PYCR1: variants seen among roughly 807,000 people sequenced by gnomAD.
PYCR1 encodes the protein pyrroline-5-carboxylate reductase 1, also known as pyrroline-5-carboxylate reductase 1, mitochondrial.
PYCR1 carries 19 observed loss-of-function variants against 22.9 expected under a neutral mutation model. The observed-to-expected ratio is 0.83, with a 90% CI of 0.58 to 1.22. The LOEUF is 1.22. PYCR1 is among the 50% of genes most tolerant of loss of function. PYCR1 has a pLI of 0.00. For synonymous variants in PYCR1, 175 were observed against 180.5 expected (o/e 0.97, Z 0.24); for missense variants, 429 against 431.3 (o/e 0.99, Z 0.05).
Position 81,937,289 on chromosome 17 carries a change from A to G in PYCR1, c.-475T>C, listed in dbSNP as rs2041228541. 8.9e-7 allele frequency: 1 copy of G among 1,127,936 alleles called. No individual in the cohort carries two copies. The highest frequency in any genetic ancestry group is 1.1e-6 in the Non-Finnish European group (1 of 890,554). The allele number at this position is 1,127,936 out of a possible 1,614,324, so 69.9% of individuals were successfully genotyped here. ...CTCAGCGCTGCGGCCGCCACGCGGC[A>G]CCCGCACCCAGGCCCCGCCCCCGTC... is the stretch of plus-strand genomic sequence containing the variant. On this transcript the variant is annotated 5_prime_UTR_variant, in exon 1 of 7. Transcript: ENST00000329875.
intron 2 of PYCR1, 60 bp from the exon 3 acceptor site, chr17:81,935,576 C>T: frequency 8.3e-7 from 1 of 1,208,468 alleles, no homozygotes; most frequent in East Asian, 4.2e-5. Context: ...CCCACCAAGC[C>T]AAGAGCCCCA....
Position 81,937,181 on chromosome 17 carries a change from G to A in PYCR1, c.-367C>T. 1 of 1,473,142 alleles carries A rather than the reference G, an allele frequency of 6.8e-7. No homozygotes were observed. Among genetic ancestry groups the A allele is most frequent in the Non-Finnish European group, 8.9e-7 (1 of 1,118,054 alleles). The allele number at this position is 1,473,142 out of a possible 1,614,324, so 91.3% of individuals were successfully genotyped here. ...CCACCCCGCCCAGAACTGGGCTACC[G>A]TCGCGCCCCACCCGGCGACCGCCGC... On this transcript the variant is annotated 5_prime_UTR_variant, in exon 1 of 7. It adds an upstream start codon to the 5' untranslated region. Transcript: ENST00000329875.
In PYCR1 at chr17:81,935,374, G is replaced by A; in HGVS notation, c.281C>T (p.Ser94Phe). 1.9e-6 allele frequency: 3 copies of A among 1,613,240 alleles called. No individual in the cohort carries two copies. Among genetic ancestry groups the A allele is most frequent in the Non-Finnish European group, 8.5e-7 (1 of 1,180,008 alleles). ...ADIEDRHIVVSCAAGVTISSI... is the reference protein window; with the variant it reads ...ADIEDRHIVVFCAAGVTISSI... Reference sequence around the variant, plus strand: ...GCTGATGGTGACGCCGGCCGCGCAGGACACCACAATGTGTCTGTCCTCAAT... The same window carrying A: ...GCTGATGGTGACGCCGGCCGCGCAGAACACCACAATGTGTCTGTCCTCAAT... Residue 94 changes from serine (S) to phenylalanine (F), a missense_variant, in exon 3 of 7, where the codon TCC becomes TTC. Coordinates refer to ENST00000329875, the MANE Select transcript of PYCR1 (RefSeq NM_006907.4).
In PYCR1 at chr17:81,935,467, C is replaced by T. The variant is rs1340103174; in HGVS notation, c.188G>A (p.Ser63Asn). ...TPHNKETVQHSDVLFLAVKPH... is the reference protein window; with the variant it reads ...TPHNKETVQHNDVLFLAVKPH... ...CTTCACAGCCAGGAAGAGCACATCA[C>T]TGTGCTGCACCGTCTCCTTGTTGTG... Residue 63 changes from serine (S) to asparagine (N), a missense_variant, in exon 3 of 7, where the codon AGT (serine) becomes AAT (asparagine). Coordinates refer to ENST00000329875, the MANE Select transcript of PYCR1 (RefSeq NM_006907.4). The T allele has an allele frequency of 6.2e-7, 1 of 1,613,252 alleles. No individual in the cohort carries two copies. Among genetic ancestry groups the T allele is most frequent in the Non-Finnish European group, 8.5e-7 (1 of 1,179,808 alleles).
chr17:81,932,615 G>A lies in PYCR1; in HGVS notation c.*599C>T. 1.9e-6 allele frequency: 1 copy of A among 533,920 alleles called. No homozygotes were observed. The highest frequency in any genetic ancestry group is 3.1e-5 in the Admixed American group (1 of 32,216). The allele number at this position is 533,920 out of a possible 1,614,324, so 33.1% of individuals were successfully genotyped here. A position where few individuals can be genotyped will look rare whatever the true frequency, so the allele number is the denominator to read the frequency against. On this transcript the variant is annotated 3_prime_UTR_variant, in exon 7 of 7. Transcript: ENST00000329875. Reference sequence around the variant, plus strand: ...GACAGAACTGATAGCACCCTCCCAGGGAGGTCAGGAGCAGGAGGTGGTGGC... The same window carrying A: ...GACAGAACTGATAGCACCCTCCCAGAGAGGTCAGGAGCAGGAGGTGGTGGC...
In PYCR1 at chr17:81,936,918, C is replaced by A; in HGVS notation, c.-104G>T. On this transcript the variant is annotated 5_prime_UTR_variant, in exon 1 of 7. Coordinates refer to ENST00000329875, the MANE Select transcript of PYCR1 (RefSeq NM_006907.4). Reference sequence around the variant, plus strand: ...AGTTAGGGGGGCAGTGCCAGCCTGGCCGCTCCTCCCGCAGCCGGGTGCCCA... The same window carrying A: ...AGTTAGGGGGGCAGTGCCAGCCTGGACGCTCCTCCCGCAGCCGGGTGCCCA... The A allele has an allele frequency of 6.5e-7, 1 of 1,538,652 alleles. No homozygotes were observed. Among genetic ancestry groups the A allele is most frequent in the African/African-American group, 1.4e-5 (1 of 73,120 alleles).
At position 81,935,450 on chromosome 17, in the gene PYCR1, C is replaced by T; in HGVS notation, c.205G>A (p.Ala69Thr). ...TVQHSDVLFL[A>T]VKPHIIPFIL... Reference sequence around the variant, plus strand: ...AAGGGGATGATGTGTGGCTTCACAGCCAGGAAGAGCACATCACTGTGCTGC... The same window carrying T: ...AAGGGGATGATGTGTGGCTTCACAGTCAGGAAGAGCACATCACTGTGCTGC... Residue 69 changes from alanine to threonine, a missense_variant, in exon 3 of 7, where the codon GCT becomes ACT. Transcript: ENST00000329875. 1.9e-6 allele frequency: 3 copies of T among 1,613,432 alleles called. No individual in the cohort carries two copies. Among genetic ancestry groups the T allele is most frequent in the Non-Finnish European group, 2.5e-6 (3 of 1,179,906 alleles).
At position 81,934,704 on chromosome 17, in the gene PYCR1, C is replaced by A; in HGVS notation, c.582G>T (p.Lys194Asn). Residue 194 changes from lysine to asparagine, a missense_variant, in exon 5 of 7, where the codon AAG (lysine) becomes AAT (asparagine). Coordinates refer to ENST00000329875, the MANE Select transcript of PYCR1 (RefSeq NM_006907.4). ...ALDALADGGV[K>N]MGLPRRLAVR... ...CTGCCAGGCGCCTTGGAAGTCCCAT[C>A]TTCACACCCCCATCAGCCAGGGCAT... is the stretch of plus-strand genomic sequence containing the variant. The A allele has an allele frequency of 6.4e-7, 1 of 1,572,468 alleles. No individual in the cohort carries two copies. The highest frequency in any genetic ancestry group is 2.4e-5 in the East Asian group (1 of 42,210).
Position 81,932,520 on chromosome 17 carries a change from C to T in PYCR1, c.*694G>A. 1 of 362,356 alleles carries T rather than the reference C, an allele frequency of 2.8e-6. No individual in the cohort carries two copies. The highest frequency in any genetic ancestry group is 5.3e-6 in the Non-Finnish European group (1 of 187,488). The allele number at this position is 362,356 out of a possible 1,614,324, so 22.4% of individuals were successfully genotyped here. A position where few individuals can be genotyped will look rare whatever the true frequency, so the allele number is the denominator to read the frequency against. On this transcript the variant is annotated 3_prime_UTR_variant, in exon 7 of 7. Coordinates refer to ENST00000329875, the MANE Select transcript of PYCR1 (RefSeq NM_006907.4). ...ACCCTCCCACACAGGCAGGGCCTCC[C>T]TCCTCATGTGGCAGACAGAAGTCAG...
In PYCR1 at chr17:81,933,282, T is replaced by A. The variant is rs752293774; in HGVS notation, c.892A>T (p.Thr298Ser). ...DKVKLDSPAG[T>S]ALSPSGHTKL... The stretch of plus-strand genomic sequence containing the variant: ...GTGTGGCCAGAAGGTGACAGAGCGG[T>A]CCCTGCAGGGGAGTCCAGCTTCACC... Residue 298 changes from threonine (T) to serine (S), a missense_variant, in exon 7 of 7, where the codon ACC (threonine) becomes TCC (serine). By Grantham distance (58) the Thr-to-Ser change is moderately conservative. Coordinates refer to ENST00000329875, the MANE Select transcript of PYCR1 (RefSeq NM_006907.4). The A allele has an allele frequency of 8.1e-5, 130 of 1,613,868 alleles. No individual in the cohort carries two copies. The highest frequency in any genetic ancestry group is 1.1e-4 in the Non-Finnish European group (128 of 1,179,984).
Position 81,935,078 on chromosome 17 carries a change from C to T in PYCR1, c.388G>A (p.Glu130Lys). The part of the protein sequence containing the change: ...CMTNTPVVVR[E>K]GATVYATGTH... ...CCTGTGGCATACACGGTGGCCCCCTCCCGCACCACGACTGGAGTGTTGGTC... is the reference window on the plus strand; with the variant it reads ...CCTGTGGCATACACGGTGGCCCCCTTCCGCACCACGACTGGAGTGTTGGTC... Residue 130 changes from glutamate to lysine, a missense_variant, in exon 4 of 7, where the codon GAG (glutamate) becomes AAG (lysine). Glu to Lys is a moderately conservative substitution (Grantham distance 56, BLOSUM62 1). Transcript: ENST00000329875. 1 of 1,610,674 alleles carries T rather than the reference C, an allele frequency of 6.2e-7. No individual in the cohort carries two copies. Among genetic ancestry groups the T allele is most frequent in the South Asian group, 1.1e-5 (1 of 91,034 alleles).
Position 81,932,691 on chromosome 17 carries a change from G to T in PYCR1, c.*523C>A. On this transcript the variant is annotated 3_prime_UTR_variant, in exon 7 of 7. Coordinates refer to ENST00000329875, the MANE Select transcript of PYCR1 (RefSeq NM_006907.4). ...GAGCCCTTTCCCCAAATGTCCATGG[G>T]ATCTGCGTGCTTGGCAGCCAAGAGG... 3 of 815,450 alleles carry T rather than the reference G, an allele frequency of 3.7e-6. No homozygotes were observed. Among genetic ancestry groups the T allele is most frequent in the South Asian group, 3.4e-5 (2 of 59,680 alleles). The allele number at this position is 815,450 out of a possible 1,614,324, so 50.5% of individuals were successfully genotyped here. A position where few individuals can be genotyped will look rare whatever the true frequency, so the allele number is the denominator to read the frequency against.
rs775495682 is a variant in PYCR1, at chr17:81,934,417, C to T, written c.706G>A (p.Gly236Arg). The change falls in exon 6 of 7, where the codon GGG (glycine) becomes AGG (arginine). Residue 236 changes from glycine to arginine, a missense_variant. By Grantham distance (125) the Gly-to-Arg change is moderately radical. Coordinates refer to ENST00000329875, the MANE Select transcript of PYCR1 (RefSeq NM_006907.4). ...ACATGCAAGGCATGGATGGTGGCCC[C>T]ACCAGGAGAGCTGACGTTGTCCTTG... Reference protein sequence around the residue: ...QLKDNVSSPGGATIHALHVLE... With the variant: ...QLKDNVSSPGRATIHALHVLE... 6.2e-7 allele frequency: 1 copy of T among 1,611,844 alleles called. No homozygotes were observed. The highest frequency in any genetic ancestry group is 1.3e-5 in the African/African-American group (1 of 74,938).
chr17:81,937,205 G>A lies in PYCR1; in HGVS notation c.-391C>T, dbSNP rs2041225406. 1 of 1,477,936 alleles carries A rather than the reference G, an allele frequency of 6.8e-7. No homozygotes were observed. The highest frequency in any genetic ancestry group is 8.9e-7 in the Non-Finnish European group (1 of 1,119,010). The allele number at this position is 1,477,936 out of a possible 1,614,324, so 91.6% of individuals were successfully genotyped here. On this transcript the variant is annotated 5_prime_UTR_variant, in exon 1 of 7. Coordinates refer to ENST00000329875, the MANE Select transcript of PYCR1 (RefSeq NM_006907.4). ...CGTCGCGCCCCACCCGGCGACCGCC[G>A]CCCACCATTCCCGGAGCCCGACCCC...
At chr17:81,934,256 G>C (rs1359609881) in intron 6 of PYCR1, 70 bp downstream of exon 6, 6 of 1,588,202 alleles carry the variant, frequency 3.8e-6, no homozygotes, top group Non-Finnish European at 4.3e-6. Flanking sequence ...TGAATGAGCA[G>C]ATGTGTGTGA....
At position 81,934,710 on chromosome 17, in the gene PYCR1, A is replaced by G. The variant is rs872029; in HGVS notation, c.576T>C (p.Gly192=). Residue 192 remains glycine, a synonymous_variant, in exon 5 of 7, where the codon GGT becomes GGC. Coordinates refer to ENST00000329875, the MANE Select transcript of PYCR1 (RefSeq NM_006907.4). ...GGCGCCTTGGAAGTCCCATCTTCACACCCCCATCAGCCAGGGCATCCAGGG... is the reference window on the plus strand; with the variant it reads ...GGCGCCTTGGAAGTCCCATCTTCACGCCCCCATCAGCCAGGGCATCCAGGG... ...FTALDALADG[G]VKMGLPRRLA... is the part of the protein sequence containing the mutation. 19,826 of 1,570,524 alleles carry G rather than the reference A, an allele frequency of 0.013. 2,175 individuals carry two copies. In the African/African-American group the frequency reaches 0.24, roughly 19 times the overall value.
Position 81,933,362 on chromosome 17 carries a change from A to G in PYCR1, c.812T>C (p.Met271Thr), listed in dbSNP as rs1225976021. 6.2e-7 allele frequency: 1 copy of G among 1,613,818 alleles called. No individual in the cohort carries two copies. Among genetic ancestry groups the G allele is most frequent in the Non-Finnish European group, 8.5e-7 (1 of 1,180,000 alleles). Residue 271 changes from methionine (M) to threonine (T), a missense_variant, in exon 7 of 7, where the codon ATG becomes ACG. Physicochemically the swap from Met to Thr is moderately conservative, Grantham distance 81 (BLOSUM62 -1). Coordinates refer to ENST00000329875, the MANE Select transcript of PYCR1 (RefSeq NM_006907.4). ...TGGTGACACCTGCTCCTGGTCAGCC[A>G]TGGACTGCAGCTCCCTAGAGAGGCA... ...SCIRTRELQSMADQEQVSPAA... is the reference protein window; with the variant it reads ...SCIRTRELQSTADQEQVSPAA...
chr17:81,935,050 G>T lies in PYCR1; in HGVS notation c.416C>A (p.Thr139Lys). 6.2e-7 allele frequency: 1 copy of T among 1,610,616 alleles called. No homozygotes were observed. The highest frequency in any genetic ancestry group is 1.1e-5 in the South Asian group (1 of 91,012). The change falls in exon 4 of 7, where the codon ACG (threonine) becomes AAG (lysine). Residue 139 changes from threonine to lysine, a missense_variant. By Grantham distance (78) the Thr-to-Lys change is moderately conservative. Transcript: ENST00000329875. ...CCTCCCGTCCTCCACCTGGGCGTGCGTGCCTGTGGCATACACGGTGGCCCC... is the reference window on the plus strand; with the variant it reads ...CCTCCCGTCCTCCACCTGGGCGTGCTTGCCTGTGGCATACACGGTGGCCCC... ...REGATVYATGTHAQVEDGRLM... is the reference protein window; with the variant it reads ...REGATVYATGKHAQVEDGRLM...
chr17:81,937,234 C>G lies in PYCR1; in HGVS notation c.-420G>C. On this transcript the variant is annotated 5_prime_UTR_variant, in exon 1 of 7. Transcript: ENST00000329875. ...ACCATTCCCGGAGCCCGACCCCAAC[C>G]CAGCTACCGTGCGCGGGTCGTACCC... is the stretch of plus-strand genomic sequence containing the variant. 6.9e-7 allele frequency: 1 copy of G among 1,442,986 alleles called. No homozygotes were observed. Among genetic ancestry groups the G allele is most frequent in the Non-Finnish European group, 9.1e-7 (1 of 1,101,050 alleles). The allele number at this position is 1,442,986 out of a possible 1,614,324, so 89.4% of individuals were successfully genotyped here. A position where few individuals can be genotyped will look rare whatever the true frequency, so the allele number is the denominator to read the frequency against.
Sources: gnomAD v4.1 joint callset for allele counts on GRCh38, gnomAD v4.1.1 for gene constraint, MANE v1.5 for transcripts, NCBI Gene and HGNC (gene_info 2026-07-23, HGNC 2026-07-21) for gene names.